ANKS1B: variants seen among roughly 807,000 people sequenced by gnomAD.
The protein encoded by ANKS1B is ankyrin repeat and sterile alpha motif domain containing 1B, also known as ankyrin repeat and sterile alpha motif domain-containing protein 1B.
A neutral mutation model predicts 148.3 loss-of-function variants in ANKS1B; 36 were observed. That is an observed-to-expected ratio of 0.24 (90% CI 0.19 to 0.32). The LOEUF (loss-of-function observed/expected upper bound fraction) is 0.32, where lower values mean the gene tolerates loss of function less well. Ranked by LOEUF, ANKS1B falls within the 10% of genes least tolerant of loss-of-function variation. The pLI, the probability that ANKS1B is intolerant of heterozygous loss-of-function variation, is 1.00. For synonymous variants in ANKS1B, 542 were observed against 560.8 expected (o/e 0.97, Z 0.47); for missense variants, 1,157 against 1,542.6 (o/e 0.75, Z 4.19).
At chr12:98,776,853 C>A (rs1457293718) in intron 24 of ANKS1B, among the ~76,000 whole-genome samples, 5 of 152,112 alleles carry the variant, frequency 3.3e-5, no homozygotes, top group Non-Finnish European at 7.4e-5. Flanking sequence ...CTTAACATGG[C>A]CTTAATTTGT....
intron 17 of ANKS1B, among the ~76,000 whole-genome samples, chr12:99,017,747 A>G (rs1345188660): frequency 6.6e-6 from 1 of 152,174 alleles, no homozygotes; most frequent in African/African-American, 2.4e-5. Context: ...AGTTAGCTTT[A>G]TATCAAATGA....
At position 99,318,780 on chromosome 12, in the gene ANKS1B, T is replaced by C. The variant is rs142314975; in HGVS notation, c.1757-71916A>G. Among the ~76,000 whole-genome samples the C allele has an allele frequency of 9.2e-5, 14 of 152,330 alleles. No homozygotes were observed. In the East Asian group the frequency reaches 2.7e-3, roughly 29 times the overall value. On this transcript the variant is annotated intron_variant, in intron 12 of 26. Coordinates refer to ENST00000683438, the MANE Select transcript of ANKS1B (RefSeq NM_001352186.2). ...GTGATGTTAGCGTGTCAATTTTAGA[T>C]CTTTCCTGCTTTCTCCGGTGGGCAT...
chr12:99,520,236 AACATT>A (rs1310070214), intron 9 of ANKS1B, among the ~76,000 whole-genome samples: 1 of 152,142 alleles, frequency 6.6e-6, no homozygotes, highest in Non-Finnish European at 1.5e-5. Flanking sequence ...AACTCCCTTT[AACATT>A]TCTTGTAGGA....
chr12:99,206,827 A>G (rs1225632214), intron 14 of ANKS1B, among the ~76,000 whole-genome samples: 1 of 152,222 alleles, frequency 6.6e-6, no homozygotes, highest in African/African-American at 2.4e-5. Flanking sequence ...CCCTTCTGGC[A>G]TTTAGCTGGC....
At chr12:99,107,626 A>G (rs1053734430) in intron 15 of ANKS1B, among the ~76,000 whole-genome samples, 3 of 152,212 alleles carry the variant, frequency 2.0e-5, no homozygotes, top group African/African-American at 7.2e-5. Flanking sequence ...GTAACTAAAA[A>G]AGATTAGCCT....
At chr12:98,953,077 G>A (rs2099856528) in intron 17 of ANKS1B, among the ~76,000 whole-genome samples, 2 of 151,514 alleles carry the variant, frequency 1.3e-5, no homozygotes, top group Non-Finnish European at 2.9e-5. Context: ...CTGGAGTGCA[G>A]TGCTGTGATC....
intron 4 of ANKS1B, among the ~76,000 whole-genome samples, chr12:99,788,673 G>A (rs537757500): frequency 1.7e-4 from 26 of 152,216 alleles, no homozygotes; most frequent in Non-Finnish European, 2.6e-4. Flanking sequence ...GGGTCTCTGC[G>A]TTCAGGCCTA....
intron 1 of ANKS1B, among the ~76,000 whole-genome samples, chr12:99,910,287 G>A (rs1056204394): frequency 9.5e-5 from 14 of 148,054 alleles, no homozygotes; most frequent in Admixed American, 1.4e-4. Flanking sequence ...CCAGGGAGGC[G>A]GAGGTCGCAG....
chr12:99,277,406 T>C (rs576006045), intron 12 of ANKS1B, among the ~76,000 whole-genome samples: 2 of 152,136 alleles, frequency 1.3e-5, no homozygotes, highest in African/African-American at 4.8e-5. Context: ...CATCGAAAAA[T>C]GGCAGCTGAG....
chr12:99,911,463 C>A (rs1013452609), intron 1 of ANKS1B, among the ~76,000 whole-genome samples: 1 of 152,188 alleles, frequency 6.6e-6, no homozygotes, highest in Non-Finnish European at 1.5e-5. Context: ...TCTGAGTCTT[C>A]AGTCCAAAAT....
intron 16 of ANKS1B, among the ~76,000 whole-genome samples, chr12:99,074,086 T>G (rs1396630152): frequency 6.6e-6 from 1 of 152,202 alleles, no homozygotes; most frequent in African/African-American, 2.4e-5. Context: ...CTCAGATATC[T>G]AAAGCCCTAT....
intron 9 of ANKS1B, chr12:99,648,178 G>A (rs772068989): frequency 6.2e-7 from 1 of 1,610,574 alleles, no homozygotes; most frequent in Non-Finnish European, 8.5e-7. Context: ...GGAAGACATG[G>A]AGGACTGCTG....
At chr12:99,717,506 C>T (rs1198771249) in intron 8 of ANKS1B, among the ~76,000 whole-genome samples, 7 of 152,130 alleles carry the variant, frequency 4.6e-5, no homozygotes, top group East Asian at 3.9e-4. Context: ...GCCCACAGCC[C>T]GGGATTCCTC....
At chr12:99,255,401 C>T (rs765022711) in intron 12 of ANKS1B, among the ~76,000 whole-genome samples, 10 of 152,086 alleles carry the variant, frequency 6.6e-5, no homozygotes, top group South Asian at 2.1e-4. Flanking sequence ...AAAGTGCATC[C>T]ATTTTTTTAG....
intron 12 of ANKS1B, among the ~76,000 whole-genome samples, chr12:99,312,257 C>A (rs977273810): frequency 6.6e-5 from 10 of 152,130 alleles, no homozygotes; most frequent in Admixed American, 3.9e-4. Flanking sequence ...GGCTAATTAA[C>A]AAAAGGCATT....
At chr12:99,900,361 C>T (rs2093553092) in intron 1 of ANKS1B, among the ~76,000 whole-genome samples, 1 of 151,546 alleles carries the variant, frequency 6.6e-6, no homozygotes, top group Non-Finnish European at 1.5e-5. Context: ...CAAAAATTAG[C>T]CAGGTATGGT....
At chr12:99,683,580 A>T (rs11837360) in intron 8 of ANKS1B, among the ~76,000 whole-genome samples, 2,920 of 152,270 alleles carry the variant, frequency 0.019, 104 homozygotes, top group African/African-American at 0.066. Context: ...TCCTATTAAC[A>T]TTATTCCAAA....
chr12:99,881,327 G>A (rs2092467314), intron 1 of ANKS1B, among the ~76,000 whole-genome samples: 1 of 152,192 alleles, frequency 6.6e-6, no homozygotes, highest in Non-Finnish European at 1.5e-5. Context: ...TCCTGTGGCA[G>A]TGGCAGCAGC....
At chr12:99,827,702 ATAAC>A (rs1565809336) in intron 1 of ANKS1B, among the ~76,000 whole-genome samples, 1 of 152,250 alleles carries the variant, frequency 6.6e-6, no homozygotes, top group Non-Finnish European at 1.5e-5. Context: ...ATGCTACTAT[ATAAC>A]TATCAGAATT....
Sources: allele counts gnomAD v4.1 joint callset (sites outside exome capture counted in the v4.1 genomes callset), GRCh38; gene constraint gnomAD v4.1.1; transcripts MANE v1.5; gene names NCBI Gene and HGNC (gene_info 2026-07-23, HGNC 2026-07-21).